The following BEND4 variants were observed in gnomAD, a reference collection of about 807,000 sequenced individuals.
The protein encoded by BEND4 is BEN domain containing 4.
BEND4 carries 27 observed loss-of-function variants against 54.7 expected under a neutral mutation model. The ratio of observed to expected loss-of-function variants is 0.49; its 90% CI spans 0.36 to 0.68. The LOEUF (loss-of-function observed/expected upper bound fraction) is 0.68, where lower values mean the gene tolerates loss of function less well. BEND4 is among the 30% of genes least tolerant of loss of function. BEND4 has a pLI of 0.00. For synonymous variants in BEND4, 327 were observed against 299.5 expected (o/e 1.09, Z -0.95); for missense variants, 702 against 697.2 (o/e 1.01, Z -0.08).
At chr4:42,120,425 T>G in intron 4 of BEND4, 131 bp from the exon 5 acceptor site, 6 of 1,151,088 alleles carry the variant, frequency 5.2e-6, no homozygotes, top group Non-Finnish European at 7.4e-6. Context: ...GGTATTGAAG[T>G]GCGCAAATAA....
chr4:42,118,826 G>A (rs1345594990), intron 5 of BEND4, among the ~76,000 whole-genome samples: 2 of 152,114 alleles, frequency 1.3e-5, no homozygotes, highest in African/African-American at 2.4e-5. Flanking sequence ...AGAAAACTAT[G>A]GCTAGTTTGG....
At chr4:42,120,335 C>T (rs765996209) in intron 4 of BEND4, 41 bp from the exon 5 acceptor site, 2 of 1,581,986 alleles carry the variant, frequency 1.3e-6, no homozygotes, top group Non-Finnish European at 8.6e-7. Context: ...ACCGAGCCAG[C>T]CAGCCAGAAG....
intron 2 of BEND4, among the ~76,000 whole-genome samples, chr4:42,148,176 G>C (rs545380871): frequency 1.3e-5 from 2 of 152,204 alleles, no homozygotes; most frequent in East Asian, 3.9e-4. Context: ...TCATGGCATA[G>C]AAAATAGAAG....
intron 4 of BEND4, among the ~76,000 whole-genome samples, chr4:42,125,139 A>G (rs1393733219): frequency 6.6e-6 from 1 of 152,194 alleles, no homozygotes; most frequent in Non-Finnish European, 1.5e-5. Flanking sequence ...GGTTTCTTCC[A>G]TTTAAGTCCA....
At chr4:42,119,277 G>C (rs2153144545) in intron 5 of BEND4, among the ~76,000 whole-genome samples, 1 of 151,936 alleles carries the variant, frequency 6.6e-6, no homozygotes, top group Middle Eastern at 3.4e-3. Context: ...TCAATATTAA[G>C]TCTTTCCAGC....
In BEND4 at chr4:42,143,507, T is replaced by C; in HGVS notation, c.975A>G (p.Arg325=). ...TAACCTCCTGCTCCAGCTCTTGGCA[T>C]CGAGGACAATAGCCTTCCTCGTCCT... is the stretch of plus-strand genomic sequence containing the variant. ...EEEDEEGYCP[R]CQELEQEVIS... The change falls in exon 3 of 6, where the codon CGA becomes CGG. Residue 325 remains arginine, a synonymous_variant. Transcript: ENST00000502486. 1 of 1,552,696 alleles carries C rather than the reference T, an allele frequency of 6.4e-7. No individual in the cohort carries two copies. Among genetic ancestry groups the C allele is most frequent in the Non-Finnish European group, 8.7e-7 (1 of 1,147,356 alleles).
chr4:42,120,021 C>A (rs749791390), intron 5 of BEND4, 33 bp downstream of exon 5: 1 of 1,613,570 alleles, frequency 6.2e-7, no homozygotes, highest in South Asian at 1.1e-5. Flanking sequence ...AATGAGATCA[C>A]AGATGGTGAC....
chr4:42,117,807 C>A (rs1719905286), intron 5 of BEND4, 72 bp from the exon 6 acceptor site: 2 of 1,033,328 alleles, frequency 1.9e-6, no homozygotes, highest in Admixed American at 2.6e-5. Context: ...GATGACAGGG[C>A]AGGCTGCTTA....
chr4:42,128,409 G>T (rs1720369917), intron 3 of BEND4, among the ~76,000 whole-genome samples: 1 of 152,142 alleles, frequency 6.6e-6, no homozygotes, highest in African/African-American at 2.4e-5. Flanking sequence ...CGATCACGAG[G>T]TCAGGAGATC....
chr4:42,123,657 G>A (rs1720145112), intron 4 of BEND4, among the ~76,000 whole-genome samples: 1 of 119,812 alleles, frequency 8.3e-6, no homozygotes, highest in African/African-American at 3.3e-5. Flanking sequence ...GGGAGCAAAG[G>A]ATTTTAAGCA....
chr4:42,117,770 A>AG, intron 5 of BEND4, 35 bp from the exon 6 acceptor site: 1 of 1,425,426 alleles, frequency 7.0e-7, no homozygotes, highest in Non-Finnish European at 9.6e-7. Context: ...AAAGAGAGAG[A>AG]GAAAAAAACA....
chr4:42,130,233 C>G (rs1015393380), intron 3 of BEND4, among the ~76,000 whole-genome samples: 2 of 152,178 alleles, frequency 1.3e-5, no homozygotes, highest in Non-Finnish European at 2.9e-5. Flanking sequence ...GTAATCCCAG[C>G]ACTTTGGGAG....
chr4:42,149,171 A>ACAGG (rs895535028), intron 2 of BEND4, among the ~76,000 whole-genome samples: 1 of 152,176 alleles, frequency 6.6e-6, no homozygotes, highest in African/African-American at 2.4e-5. Context: ...CGAGGGTGCA[A>ACAGG]CAGGCAAAGC....
Position 42,135,321 on chromosome 4 carries a change from G to C in BEND4, c.1054+8107C>G, listed in dbSNP as rs184552874. Reference sequence around the variant, plus strand: ...GAATGGTGACACCTTTGTAAGGTAAGAATACCACTTATCATAAGGAAAACA... The same window carrying C: ...GAATGGTGACACCTTTGTAAGGTAACAATACCACTTATCATAAGGAAAACA... On this transcript the variant is annotated intron_variant, in intron 3 of 5. Coordinates refer to ENST00000502486, the MANE Select transcript of BEND4 (RefSeq NM_207406.4). Among the ~76,000 whole-genome samples, 218 of 152,312 alleles carry C rather than the reference G, an allele frequency of 1.4e-3. 3 individuals carry two copies. Among genetic ancestry groups the C allele is most frequent in the African/African-American group, 5.1e-3 (211 of 41,578 alleles).
At chr4:42,130,895 CGA>C (rs10596947) in intron 3 of BEND4, among the ~76,000 whole-genome samples, 58,188 of 151,912 alleles carry the variant, frequency 0.38, 15,706 homozygotes, top group African/African-American at 0.77. Context: ...AAAAAGGAAA[CGA>C]GAGATCATGG....
chr4:42,136,480 T>G (rs1720701667), intron 3 of BEND4, among the ~76,000 whole-genome samples: 1 of 152,218 alleles, frequency 6.6e-6, no homozygotes, highest in Non-Finnish European at 1.5e-5. Context: ...CTTACCAAAA[T>G]GTATTTGTAA....
At position 42,143,368 on chromosome 4, in the gene BEND4, G is replaced by A. The variant is rs1463359693; in HGVS notation, c.1054+60C>T. 7.4e-6 allele frequency: 10 copies of A among 1,357,172 alleles called. No homozygotes were observed. The South Asian group carries it at 8.8e-5, about 12-fold the overall frequency. The allele number at this position is 1,357,172 out of a possible 1,614,324, so 84.1% of individuals were successfully genotyped here. A position where few individuals can be genotyped will look rare whatever the true frequency, so the allele number is the denominator to read the frequency against. On this transcript the variant is annotated intron_variant, in intron 3 of 5. Transcript: ENST00000502486. Reference sequence around the variant, plus strand: ...ACATGAGTACAGAAATACACAGACAGATGAGACAAGTGAAAGAAAGAAGGG... The same window carrying A: ...ACATGAGTACAGAAATACACAGACAAATGAGACAAGTGAAAGAAAGAAGGG...
intron 3 of BEND4, among the ~76,000 whole-genome samples, chr4:42,139,975 T>C (rs1460644679): frequency 6.6e-6 from 1 of 152,240 alleles, no homozygotes; most frequent in Non-Finnish European, 1.5e-5. Flanking sequence ...TTTCTTCAAA[T>C]GATAACAGAT....
In BEND4 at chr4:42,112,661, AG is replaced by A. The variant is rs1719620100; in HGVS notation, c.*4856del. 6.6e-6 allele frequency: 1 copy of A among 152,226 alleles called. No homozygotes were observed. Among genetic ancestry groups the A allele is most frequent in the African/African-American group, 2.4e-5 (1 of 41,460 alleles). The allele number at this position is 152,226 out of a possible 1,614,324, so 9.4% of individuals were successfully genotyped here. On this transcript the variant is annotated 3_prime_UTR_variant, in exon 6 of 6. Coordinates refer to ENST00000502486, the MANE Select transcript of BEND4 (RefSeq NM_207406.4). ...AATTAACCAAGCTGGTCATCAGATG[AG>A]GGAAGTCTCAACCTCTCAGTGTTAA...
Sources: gnomAD v4.1 joint callset for allele counts (sites outside exome capture counted in the v4.1 genomes callset) on GRCh38, gnomAD v4.1.1 for gene constraint, MANE v1.5 for transcripts, NCBI Gene and HGNC (gene_info 2026-07-23, HGNC 2026-07-21) for gene names.